Variants in TRIM3 observed in about 807,000 individuals in gnomAD.
TRIM3 encodes tripartite motif-containing protein 3.
Under a neutral mutation model 66.6 loss-of-function variants are expected in TRIM3, and 13 were observed. The ratio of observed to expected loss-of-function variants is 0.20; its 90% CI spans 0.13 to 0.31. The LOEUF is 0.31. Ranked by LOEUF, TRIM3 falls within the 10% of genes least tolerant of loss-of-function variation. The probability of loss-of-function intolerance (pLI) is 1.00; values close to 1 mark genes in which losing one functional copy is unlikely to be tolerated. For synonymous variants in TRIM3, 406 were observed against 411.7 expected (o/e 0.99, Z 0.17); for missense variants, 711 against 1,020.4 (o/e 0.70, Z 4.13).
intron 1 of TRIM3, among the ~76,000 whole-genome samples, chr11:6,473,520 G>A (rs977918919): frequency 1.3e-5 from 2 of 151,828 alleles, no homozygotes; most frequent in African/African-American, 4.8e-5. Flanking sequence ...AGCACCCTCC[G>A]CCAACACACA....
intron 7 of TRIM3, chr11:6,452,050 G>A (rs1169037532): frequency 6.5e-6 from 1 of 153,034 alleles, no homozygotes; most frequent in Non-Finnish European, 1.5e-5. Context: ...CTTGGACCAA[G>A]GAAATTGGCT....
upstream of TRIM3, chr11:6,474,116 G>C (rs1040155448): frequency 2.7e-5 from 4 of 149,568 alleles, no homozygotes; most frequent in Non-Finnish European, 4.4e-5. Flanking sequence ...TGCGGACGCT[G>C]CCTCCTTGGT....
chr11:6,466,332 C>A (rs1455046688), intron 1 of TRIM3, among the ~76,000 whole-genome samples: 6 of 152,198 alleles, frequency 3.9e-5, no homozygotes, highest in Non-Finnish European at 7.3e-5. Context: ...ATTCAGGCAA[C>A]CATCTGTTCT....
chr11:6,458,254 G>A lies in TRIM3; in HGVS notation c.174C>T (p.Ser58=), dbSNP rs377025537. 25 of 1,614,098 alleles carry A rather than the reference G, an allele frequency of 1.5e-5. No homozygotes were observed. The highest frequency in any genetic ancestry group is 6.8e-6 in the Non-Finnish European group (8 of 1,180,038). The change falls in exon 3 of 12, where the codon TCC becomes TCT. Residue 58 remains serine (S), a synonymous_variant. Transcript: ENST00000345851. This position sits in a 1 kb window ranked among gnomAD's most constrained non-coding sequence, Gnocchi z 6.2. ...NYIPAQSLTL[S]CPVCRQTSIL... is the part of the protein sequence containing the mutation. ...TGGACGTCTGCCGGCATACTGGACAGGATAGCGTCAGGCTCTGGGCAGGGA... is the reference window on the plus strand; with the variant it reads ...TGGACGTCTGCCGGCATACTGGACAAGATAGCGTCAGGCTCTGGGCAGGGA...
chr11:6,473,284 C>A (rs1394149596), intron 1 of TRIM3: 1 of 150,258 alleles, frequency 6.7e-6, no homozygotes, highest in Non-Finnish European at 1.5e-5. Context: ...GGCTTTCTGT[C>A]CACAGAGCAG....
chr11:6,468,646 G>A (rs1850561293), intron 1 of TRIM3, among the ~76,000 whole-genome samples: 1 of 152,234 alleles, frequency 6.6e-6, no homozygotes, highest in Non-Finnish European at 1.5e-5. Flanking sequence ...TGGCTGTGGT[G>A]GGGTGGCAGG....
At chr11:6,471,023 G>A (rs910814687) in intron 1 of TRIM3, among the ~76,000 whole-genome samples, 18 of 152,218 alleles carry the variant, frequency 1.2e-4, no homozygotes, top group African/African-American at 4.3e-4. Flanking sequence ...AGGACAGGAA[G>A]CCAGATGCAG....
At chr11:6,454,018 T>C (rs1849857493) in intron 7 of TRIM3, among the ~76,000 whole-genome samples, 1 of 152,132 alleles carries the variant, frequency 6.6e-6, no homozygotes, top group Non-Finnish European at 1.5e-5. Context: ...AGGACTGCTA[T>C]AGAAGTAGCA....
rs1224881615 is a variant in TRIM3 at position 6,450,686 on chromosome 11, C to G, written c.1871-65G>C. On this transcript the variant is annotated intron_variant, in intron 9 of 11. Transcript: ENST00000345851. This position sits in a 1 kb window ranked among gnomAD's most constrained non-coding sequence, Gnocchi z 4.8. ...TGCTGAGTGGGATGGGGAAGAGTAT[C>G]TGGGAAGATAAAAGCTAGGGTGTTA... 7 of 1,531,250 alleles carry G rather than the reference C, an allele frequency of 4.6e-6. No homozygotes were observed. The highest frequency in any genetic ancestry group is 6.3e-6 in the Non-Finnish European group (7 of 1,105,772). 94.9% of individuals were successfully genotyped at this position (1,531,250 alleles called of 1,614,324 possible).
chr11:6,454,333 G>A (rs1849874078), intron 7 of TRIM3, among the ~76,000 whole-genome samples: 1 of 151,302 alleles, frequency 6.6e-6, no homozygotes, highest in South Asian at 2.1e-4. Flanking sequence ...CAAGGCTGCA[G>A]TGAGCTGTGA....
rs192858052 is a variant in TRIM3 at position 6,453,817 on chromosome 11, A to G, written c.1533+2255T>C. ...CCACCATAGAAGTGTCCAAAAGAGA[A>G]AACGGTCATGTCGTGAGGACCCCAA... On this transcript the variant is annotated intron_variant, in intron 7 of 11. Transcript: ENST00000345851. 5.3e-5 allele frequency among the ~76,000 whole-genome samples: 8 copies of G among 152,380 alleles called. No homozygotes were observed. The East Asian group carries it at 1.5e-3, about 29-fold the overall frequency.
chr11:6,450,428 T>C lies in TRIM3; in HGVS notation c.1941+123A>G. The C allele has an allele frequency of 1.2e-6, 1 of 859,126 alleles. No individual in the cohort carries two copies. The highest frequency in any genetic ancestry group is 1.5e-5 in the South Asian group (1 of 66,720). 53.2% of individuals were successfully genotyped at this position (859,126 alleles called of 1,614,324 possible). A position where few individuals can be genotyped will look rare whatever the true frequency, so the allele number is the denominator to read the frequency against. The stretch of plus-strand genomic sequence containing the variant: ...GACAAAGCAGCCATGCATAAATGTG[T>C]AAATGTGTATTGTTTGAGTGAATGA... On this transcript the variant is annotated intron_variant, in intron 10 of 11. Coordinates refer to ENST00000345851, the MANE Select transcript of TRIM3 (RefSeq NM_033278.4). This position sits in a 1 kb window ranked among gnomAD's most constrained non-coding sequence, Gnocchi z 4.8.
At chr11:6,451,096 T>C (rs1849699125) in intron 8 of TRIM3, 36 bp from the exon 9 acceptor site, 6 of 1,610,814 alleles carry the variant, frequency 3.7e-6, no homozygotes, top group African/African-American at 1.3e-5. Context: ...GGCTTTATTC[T>C]GACAGTGGGG....
chr11:6,456,493 G>A lies in TRIM3; in HGVS notation c.1233C>T (p.Gly411=), dbSNP rs267603105. ...GCAGGGCACGCACGCGGAAGGGGCT[G>A]CCGCGCACTGGCTGTCCGTAGAGCA... The part of the protein sequence containing the change: ...SVLLYGQPVR[G]SPFRVRALRP... The change falls in exon 6 of 12, where the codon GGC becomes GGT. Residue 411 remains glycine, a synonymous_variant. Coordinates refer to ENST00000345851, the MANE Select transcript of TRIM3 (RefSeq NM_033278.4). The surrounding 1 kb of genome is among the most constrained non-coding windows in gnomAD (Gnocchi z 6.4). The A allele has an allele frequency of 6.4e-7, 1 of 1,569,052 alleles. No homozygotes were observed. The highest frequency in any genetic ancestry group is 8.7e-7 in the Non-Finnish European group (1 of 1,152,232).
intron 2 of TRIM3, among the ~76,000 whole-genome samples, chr11:6,461,728 C>A (rs1041513504): frequency 6.6e-6 from 1 of 152,184 alleles, no homozygotes; most frequent in African/African-American, 2.4e-5. Context: ...ATATCCCCTT[C>A]CTATTTGTCA....
chr11:6,464,985 T>TAAA, intron 2 of TRIM3, among the ~76,000 whole-genome samples: 1 of 36,922 alleles, frequency 2.7e-5, no homozygotes, highest in Non-Finnish European at 5.5e-5. Flanking sequence ...AGACTCCATC[T>TAAA]CAAAAAAAAA....
chr11:6,449,227 G>C lies in TRIM3; in HGVS notation c.2083-47C>G. 1 of 1,610,656 alleles carries C rather than the reference G, an allele frequency of 6.2e-7. No individual in the cohort carries two copies. The highest frequency in any genetic ancestry group is 1.7e-5 in the Admixed American group (1 of 59,972). On this transcript the variant is annotated intron_variant, in intron 11 of 11. Coordinates refer to ENST00000345851, the MANE Select transcript of TRIM3 (RefSeq NM_033278.4). The surrounding 1 kb of genome is among the most constrained non-coding windows in gnomAD (Gnocchi z 5.3). The stretch of plus-strand genomic sequence containing the variant: ...GAGGGAGAGGCAAGATCAGGCAGAT[G>C]AGAGTCTGTTTTGGGGGAACGGGCA...
At chr11:6,452,922 AGAG>A (rs1379078217) in intron 7 of TRIM3, 13 of 152,174 alleles carry the variant, frequency 8.5e-5, no homozygotes, top group Admixed American at 8.5e-4. Context: ...TCACTTTTTC[AGAG>A]AAGACTAATG....
Position 6,457,984 on chromosome 11 carries a change from C to T in TRIM3, c.363+81G>A. 6.5e-7 allele frequency: 1 copy of T among 1,536,902 alleles called. No individual in the cohort carries two copies. Among genetic ancestry groups the T allele is most frequent in the Admixed American group, 1.8e-5 (1 of 55,504 alleles). On this transcript the variant is annotated intron_variant, in intron 3 of 11. Coordinates refer to ENST00000345851, the MANE Select transcript of TRIM3 (RefSeq NM_033278.4). This position sits in a 1 kb window ranked among gnomAD's most constrained non-coding sequence, Gnocchi z 4.5. ...CTAATCCAGAGCAGTACCCTGTCAC[C>T]CAGCCACTCGGCACCCCCCAATGCC... is the stretch of plus-strand genomic sequence containing the variant.
Sources: gnomAD v4.1 joint callset for allele counts (sites outside exome capture counted in the v4.1 genomes callset) on GRCh38, gnomAD v4.1.1 for gene constraint, Gnocchi (gnomAD v3.1) non-coding constraint, MANE v1.5 for transcripts, NCBI Gene and HGNC (gene_info 2026-07-23, HGNC 2026-07-21) for gene names.